The following UBE3D variants were observed in gnomAD, a reference collection of about 807,000 sequenced individuals.
UBE3D encodes ubiquitin protein ligase E3D, also known as E3 ubiquitin-protein ligase E3D.
UBE3D carries 48 observed loss-of-function variants against 49.6 expected under a neutral mutation model. The ratio of observed to expected loss-of-function variants is 0.97; its 90% confidence interval spans 0.77 to 1.23. UBE3D has a LOEUF of 1.23. UBE3D is among the 50% of genes most tolerant of loss of function. The pLI, the probability that UBE3D is intolerant of heterozygous loss-of-function variation, is 0.00. For missense variants in UBE3D, 452 were observed against 468.4 expected (o/e 0.96, Z 0.32); for synonymous variants, 189 against 174.2 (o/e 1.08, Z -0.67).
chr6:82,890,210 T>C (rs941827247), downstream of UBE3D, among the ~76,000 whole-genome samples: 3 of 152,188 alleles, frequency 2.0e-5, no homozygotes, highest in Non-Finnish European at 4.4e-5. Flanking sequence ...TTTAAATGTC[T>C]TTAATGCTAT....
At chr6:82,977,521 A>C (rs993098364) in intron 8 of UBE3D, among the ~76,000 whole-genome samples, 1 of 152,166 alleles carries the variant, frequency 6.6e-6, no homozygotes, top group Non-Finnish European at 1.5e-5. Flanking sequence ...TCCTGATTTT[A>C]TAACACTTGC....
At chr6:83,021,858 T>C (rs377590124) in intron 7 of UBE3D, among the ~76,000 whole-genome samples, 1 of 151,622 alleles carries the variant, frequency 6.6e-6, no homozygotes, top group African/African-American at 2.4e-5. Context: ...GACAGAGTGA[T>C]ACTCCATCTC....
At chr6:83,063,335 G>C in intron 1 of UBE3D, 1 of 167,054 alleles carries the variant, frequency 6.0e-6, no homozygotes, top group Non-Finnish European at 1.3e-5. Context: ...GATTGCTTGA[G>C]CCCAGGAGGT....
chr6:83,017,635 G>A (rs1051994431), intron 8 of UBE3D: 1 of 152,070 alleles, frequency 6.6e-6, no homozygotes, highest in African/African-American at 2.4e-5. Context: ...AGAGTGCAGG[G>A]TAATGGACAT....
intron 9 of UBE3D, among the ~76,000 whole-genome samples, chr6:82,904,475 T>C (rs190229875): frequency 9.8e-5 from 15 of 152,292 alleles, no homozygotes; most frequent in Admixed American, 7.8e-4. Context: ...CTCCCCGACA[T>C]TTACTAGCTG....
chr6:83,019,313 T>C (rs1366418186), intron 7 of UBE3D, among the ~76,000 whole-genome samples, 177 bp from the exon 8 acceptor site: 1 of 146,348 alleles, frequency 6.8e-6, no homozygotes, highest in Non-Finnish European at 1.5e-5. Flanking sequence ...GTAGAGCAAC[T>C]GACATAAAGT....
chr6:83,010,285 C>G (rs536447453), intron 8 of UBE3D, among the ~76,000 whole-genome samples: 51 of 152,074 alleles, frequency 3.4e-4, no homozygotes, highest in African/African-American at 1.2e-3. Flanking sequence ...GAGAGGGCAA[C>G]CAATCTAAAA....
At chr6:82,966,965 T>C (rs796479497) in intron 8 of UBE3D, among the ~76,000 whole-genome samples, 36 of 152,342 alleles carry the variant, frequency 2.4e-4, no homozygotes, top group African/African-American at 8.4e-4. Context: ...CAAACTGGTC[T>C]CTATACTATG....
intron 4 of UBE3D, among the ~76,000 whole-genome samples, chr6:83,041,086 T>G (rs1318502601): frequency 6.6e-6 from 1 of 152,226 alleles, no homozygotes; most frequent in Non-Finnish European, 1.5e-5. Context: ...CTGATCACAC[T>G]CATTAAATGT....
chr6:82,975,729 C>G (rs10455136), intron 8 of UBE3D, among the ~76,000 whole-genome samples: 2 of 151,998 alleles, frequency 1.3e-5, no homozygotes, highest in African/African-American at 4.8e-5. Flanking sequence ...AAAAACTAAC[C>G]TAAAAAGCAG....
intron 9 of UBE3D, among the ~76,000 whole-genome samples, chr6:82,896,138 CTG>C (rs1771299665): frequency 6.6e-6 from 1 of 152,172 alleles, no homozygotes; most frequent in South Asian, 2.1e-4. Flanking sequence ...ATTTAAAAGA[CTG>C]TGAGTTAACA....
chr6:82,954,435 T>C (rs1000948042), intron 9 of UBE3D, among the ~76,000 whole-genome samples: 1 of 152,190 alleles, frequency 6.6e-6, no homozygotes, highest in Non-Finnish European at 1.5e-5. Flanking sequence ...TTTCATATTA[T>C]GTTGTTTTAA....
At chr6:83,009,283 C>G (rs976638543) in intron 8 of UBE3D, among the ~76,000 whole-genome samples, 6 of 151,936 alleles carry the variant, frequency 3.9e-5, no homozygotes, top group Non-Finnish European at 7.4e-5. Flanking sequence ...GTAACAAGAA[C>G]CTACAGTTAC....
At chr6:82,898,656 A>T (rs777152675) in intron 9 of UBE3D, among the ~76,000 whole-genome samples, 8 of 150,102 alleles carry the variant, frequency 5.3e-5, no homozygotes, top group Non-Finnish European at 1.0e-4. Context: ...GGAGAGGAAG[A>T]CCACACACTG....
At chr6:82,896,802 C>G (rs2127713138) in intron 9 of UBE3D, among the ~76,000 whole-genome samples, 1 of 151,566 alleles carries the variant, frequency 6.6e-6, no homozygotes, top group African/African-American at 2.4e-5. Flanking sequence ...AGTAGAGTGG[C>G]CTGATCTTGG....
intron 5 of UBE3D, among the ~76,000 whole-genome samples, chr6:83,033,363 T>A (rs1475032829): frequency 6.6e-6 from 1 of 152,098 alleles, no homozygotes; most frequent in East Asian, 1.9e-4. Context: ...TTTATGAGAT[T>A]TAAAGGAGAC....
intron 3 of UBE3D, among the ~76,000 whole-genome samples, chr6:83,051,855 T>C (rs1783491219): frequency 6.6e-6 from 1 of 152,146 alleles, no homozygotes; most frequent in Non-Finnish European, 1.5e-5. Flanking sequence ...TATGCCAGAG[T>C]AACTCTGTGC....
intron 9 of UBE3D, among the ~76,000 whole-genome samples, chr6:82,947,730 C>T (rs548219295): frequency 2.0e-5 from 3 of 151,956 alleles, no homozygotes; most frequent in East Asian, 3.9e-4. Context: ...GAAAACTATA[C>T]GAATACATGG....
chr6:82,916,522 T>C (rs1772925343), intron 9 of UBE3D, among the ~76,000 whole-genome samples: 1 of 152,236 alleles, frequency 6.6e-6, no homozygotes, highest in Non-Finnish European at 1.5e-5. Flanking sequence ...TGGTAAATTA[T>C]GTAGCCATTT....
Sources: gnomAD v4.1 joint callset for allele counts (sites outside exome capture counted in the v4.1 genomes callset) on GRCh38, gnomAD v4.1.1 for gene constraint, MANE v1.5 for transcripts, NCBI Gene and HGNC (gene_info 2026-07-23, HGNC 2026-07-21) for gene names.